Variants in BMERB1 observed in about 807,000 individuals in gnomAD.
BMERB1 encodes bMERB domain containing 1, also known as bMERB domain-containing protein 1.
A neutral mutation model predicts 23.6 loss-of-function variants in BMERB1; 12 were observed. That is an observed-to-expected ratio of 0.51 (90% CI 0.33 to 0.82). BMERB1 has a LOEUF of 0.82. Ranked by LOEUF, BMERB1 falls within the 40% of genes least tolerant of loss-of-function variation. BMERB1 has a pLI of 0.03. For synonymous variants in BMERB1, 122 were observed against 96.6 expected, an observed-to-expected ratio of 1.26 and a Z score of -1.54; for missense variants, 247 against 255.4, an observed-to-expected ratio of 0.97 and a Z score of 0.22.
intron 1 of BMERB1, among the ~76,000 whole-genome samples, chr16:15,444,622 A>G (rs547790088): frequency 6.6e-5 from 10 of 152,182 alleles, no homozygotes; most frequent in Non-Finnish European, 1.2e-4. Context: ...TTTGCAGACG[A>G]TATTTATTGA....
chr16:15,483,051 T>A (rs1020706561), intron 1 of BMERB1, among the ~76,000 whole-genome samples: 1 of 152,216 alleles, frequency 6.6e-6, no homozygotes, highest in Non-Finnish European at 1.5e-5. Context: ...CCTTTTAATA[T>A]TTTTCCTGTG....
chr16:15,455,333 A>AG (rs200402075), intron 1 of BMERB1, among the ~76,000 whole-genome samples: 10,300 of 150,044 alleles, frequency 0.069, 1,243 homozygotes, highest in African/African-American at 0.24. Context: ...CAAAAAAAAA[A>AG]AAAAGAAAAG....
At chr16:15,506,223 T>C (rs898794054) in intron 1 of BMERB1, among the ~76,000 whole-genome samples, 2 of 152,042 alleles carry the variant, frequency 1.3e-5, no homozygotes, top group Non-Finnish European at 2.9e-5. Context: ...TCACCCAGGC[T>C]GGAGTGCCGC....
At chr16:15,553,719 A>AT (rs1354392995) in intron 2 of BMERB1, among the ~76,000 whole-genome samples, 1 of 152,232 alleles carries the variant, frequency 6.6e-6, no homozygotes, top group African/African-American at 2.4e-5. Flanking sequence ...CGTGAGTTGT[A>AT]CCAAAACAGG....
chr16:15,444,813 C>T (rs1251414929), intron 1 of BMERB1, among the ~76,000 whole-genome samples: 1 of 152,168 alleles, frequency 6.6e-6, no homozygotes, highest in Non-Finnish European at 1.5e-5. Context: ...AGTTATTTCA[C>T]CTTTTTTTCC....
At chr16:15,584,904 A>G (rs1174072319) in intron 5 of BMERB1, among the ~76,000 whole-genome samples, 1 of 152,180 alleles carries the variant, frequency 6.6e-6, no homozygotes, top group Non-Finnish European at 1.5e-5. Flanking sequence ...TCTTAGATCC[A>G]TTACCATCAC....
chr16:15,507,080 G>A (rs2051599957), intron 1 of BMERB1, among the ~76,000 whole-genome samples: 1 of 152,208 alleles, frequency 6.6e-6, no homozygotes, highest in Admixed American at 6.5e-5. Context: ...AAGTTATAAA[G>A]CAGAAGTAAA....
intron 1 of BMERB1, among the ~76,000 whole-genome samples, chr16:15,464,593 C>T (rs764694084): frequency 5.3e-5 from 8 of 152,130 alleles, no homozygotes; most frequent in South Asian, 4.1e-4. Context: ...ATGAGTTTTC[C>T]GGAAATGGCA....
At chr16:15,484,006 C>T (rs1339371726) in intron 1 of BMERB1, among the ~76,000 whole-genome samples, 6 of 152,126 alleles carry the variant, frequency 3.9e-5, no homozygotes, top group African/African-American at 1.4e-4. Context: ...ATCTTACAAT[C>T]ACTGTGGAAG....
At chr16:15,573,925 T>C (rs777324646) in intron 3 of BMERB1, among the ~76,000 whole-genome samples, 5 of 144,432 alleles carry the variant, frequency 3.5e-5, no homozygotes, top group African/African-American at 5.2e-5. Flanking sequence ...CAGGAGGAAC[T>C]GCCCAACCCT....
intron 2 of BMERB1, among the ~76,000 whole-genome samples, chr16:15,535,452 C>G (rs1020084534): frequency 6.6e-6 from 1 of 151,960 alleles, no homozygotes; most frequent in Non-Finnish European, 1.5e-5. Context: ...TGGAGACCAT[C>G]CTGGCCAACA....
intron 2 of BMERB1, among the ~76,000 whole-genome samples, chr16:15,548,378 T>C (rs1041099111): frequency 1.3e-5 from 2 of 152,204 alleles, no homozygotes; most frequent in Non-Finnish European, 1.5e-5. Context: ...TCAGCTTCTC[T>C]TCTAAGTAAA....
At chr16:15,474,337 C>A (rs1279601316) in intron 1 of BMERB1, among the ~76,000 whole-genome samples, 1 of 151,946 alleles carries the variant, frequency 6.6e-6, no homozygotes, top group Non-Finnish European at 1.5e-5. Context: ...CATATTCTTT[C>A]TTTTCTCCTT....
chr16:15,529,327 T>A (rs1473005600), intron 2 of BMERB1, among the ~76,000 whole-genome samples: 1 of 151,822 alleles, frequency 6.6e-6, no homozygotes, highest in African/African-American at 2.4e-5. Flanking sequence ...CGCCCGGCGG[T>A]GTTTGTTGTT....
rs71152431 is a variant in BMERB1, at chr16:15,462,137, C to CT, written c.106+27410dup. Among the ~76,000 whole-genome samples, 158 of 56,966 alleles carry CT rather than the reference C, an allele frequency of 2.8e-3. 36 individuals carry two copies. The highest frequency in any genetic ancestry group is 9.6e-3 in the East Asian group (17 of 1,780). The allele number at this position is 56,966 out of a possible 152,430, so 37.4% of individuals were successfully genotyped here. A position where few individuals can be genotyped will look rare whatever the true frequency, so the allele number is the denominator to read the frequency against. ...ATTCAAAGTTAACTGGATGTCCTGC[C>CT]TTTTTTTTTTTTTTTTTTTTTTTTT... On this transcript the variant is annotated intron_variant, in intron 1 of 5. Coordinates refer to ENST00000300006, the MANE Select transcript of BMERB1 (RefSeq NM_033201.3).
At chr16:15,533,689 G>C (rs2051992381) in intron 2 of BMERB1, among the ~76,000 whole-genome samples, 1 of 152,172 alleles carries the variant, frequency 6.6e-6, no homozygotes, top group Admixed American at 6.5e-5. Context: ...CGAAGTCTAT[G>C]CATAAGCAGA....
chr16:15,557,699 GC>G (rs1862768425), intron 2 of BMERB1, among the ~76,000 whole-genome samples: 1 of 152,174 alleles, frequency 6.6e-6, no homozygotes, highest in Non-Finnish European at 1.5e-5. Flanking sequence ...AACTGGGACA[GC>G]CCCAGGCAAA....
chr16:15,504,543 G>A (rs2051564019), intron 1 of BMERB1, among the ~76,000 whole-genome samples: 1 of 151,562 alleles, frequency 6.6e-6, no homozygotes, highest in Non-Finnish European at 1.5e-5. Flanking sequence ...CAAACTCCTG[G>A]ACCCAAGCGA....
At chr16:15,514,572 A>G (rs1285167970) in intron 1 of BMERB1, among the ~76,000 whole-genome samples, 1 of 151,810 alleles carries the variant, frequency 6.6e-6, no homozygotes, top group Non-Finnish European at 1.5e-5. Context: ...CGGGCGGATC[A>G]CTTGACGTCA....
Sources: gnomAD v4.1 joint callset for allele counts (sites outside exome capture counted in the v4.1 genomes callset) on GRCh38, gnomAD v4.1.1 for gene constraint, MANE v1.5 for transcripts, NCBI Gene and HGNC (gene_info 2026-07-23, HGNC 2026-07-21) for gene names.